ASIC4: variants seen among roughly 807,000 people sequenced by gnomAD.
The protein encoded by ASIC4 is acid-sensing ion channel 4.
Under a neutral mutation model 53.4 loss-of-function variants are expected in ASIC4, and 28 were observed. The ratio of observed to expected loss-of-function variants is 0.52; its 90% CI spans 0.39 to 0.72. ASIC4 has a LOEUF of 0.72. ASIC4 is among the 30% of genes least tolerant of loss of function. The pLI, the probability that ASIC4 is intolerant of heterozygous loss-of-function variation, is 0.00. For synonymous variants in ASIC4, 289 were observed against 301.4 expected (o/e 0.96, Z 0.43); for missense variants, 649 against 729.7 (o/e 0.89, Z 1.27).
upstream of ASIC4, among the ~76,000 whole-genome samples, chr2:219,510,648 C>T (rs1031500803): frequency 2.0e-5 from 3 of 152,264 alleles, no homozygotes; most frequent in South Asian, 6.2e-4. The surrounding 1 kb of genome is among the most constrained non-coding windows in gnomAD (Gnocchi z 5.2). Context: ...CCCAGGGACC[C>T]GTTGCCTTGG....
rs114496813 is a variant in ASIC4 at position 219,526,742 on chromosome 2, G to C, written c.583-5016G>C. ...GGCAGGTGCTGGCCAGAAGGAAGGT[G>C]GGGGAGGGGACCTGAGTGTCAGTGT... On this transcript the variant is annotated intron_variant, in intron 1 of 9. Transcript: ENST00000358078. 9.2e-3 allele frequency among the ~76,000 whole-genome samples: 1,402 copies of C among 152,236 alleles called. 23 individuals carry two copies. Among genetic ancestry groups the C allele is most frequent in the African/African-American group, 0.031 (1,308 of 41,526 alleles).
In ASIC4 at chr2:219,538,013, C is replaced by A. The variant is rs781560245; in HGVS notation, c.1587C>A (p.Pro529=). ...CCAATCACCACCACCCCCACGGTCC[C>A]CCAGGAGGTCTCTTTGAAGATTTTG... The part of the protein sequence containing the change: ...LLPNHHHPHG[P]PGGLFEDFAC Residue 529 remains proline, a synonymous_variant, in exon 10 of 10, where the codon CCC becomes CCA. Coordinates refer to ENST00000358078, the MANE Select transcript of ASIC4 (RefSeq NM_018674.6). 9.3e-6 allele frequency: 15 copies of A among 1,613,222 alleles called. No homozygotes were observed. The highest frequency in any genetic ancestry group is 1.3e-5 in the Non-Finnish European group (15 of 1,179,778).
At chr2:219,520,478 C>T (rs905448409) in intron 1 of ASIC4, among the ~76,000 whole-genome samples, 34 of 152,216 alleles carry the variant, frequency 2.2e-4, no homozygotes, top group Admixed American at 2.0e-3. Context: ...CAGGCCACTA[C>T]TGACAGTCTC....
chr2:219,531,914 G>C lies in ASIC4; in HGVS notation c.727+12G>C. On this transcript the variant is annotated intron_variant, in intron 2 of 9. Coordinates refer to ENST00000358078, the MANE Select transcript of ASIC4 (RefSeq NM_018674.6). ...CTGGAGGGAGACAAGTACGCAGGCC[G>C]GAAAGGGACAAGGGCCACCTTGGGG... 1 of 1,611,056 alleles carries C rather than the reference G, an allele frequency of 6.2e-7. No individual in the cohort carries two copies. The highest frequency in any genetic ancestry group is 8.5e-7 in the Non-Finnish European group (1 of 1,178,110).
chr2:219,519,935 G>A (rs887882764), intron 1 of ASIC4, among the ~76,000 whole-genome samples: 1 of 152,148 alleles, frequency 6.6e-6, no homozygotes, highest in Non-Finnish European at 1.5e-5. Flanking sequence ...CACCACGTGA[G>A]CAAAGGTGCT....
Position 219,514,721 on chromosome 2 carries a change from A to G in ASIC4, c.-4A>G, listed in dbSNP as rs1694753557. 1 of 1,613,502 alleles carries G rather than the reference A, an allele frequency of 6.2e-7. No homozygotes were observed. The highest frequency in any genetic ancestry group is 8.5e-7 in the Non-Finnish European group (1 of 1,179,980). ...CTCTGGCCAGTCCCAGCAGCCGGGG[A>G]CAGATGCCGATCGAGATTGTGTGCA... On this transcript the variant is annotated 5_prime_UTR_variant, in exon 1 of 10. Transcript: ENST00000358078.
intron 4 of ASIC4, 74 bp downstream of exon 4, chr2:219,532,551 C>T: frequency 1.3e-6 from 2 of 1,541,408 alleles, no homozygotes; most frequent in Non-Finnish European, 1.8e-6. Context: ...CAAGGCACTG[C>T]TCATGTGCAC....
At chr2:219,513,855 A>G (rs1694733391), upstream of ASIC4, among the ~76,000 whole-genome samples, 1 of 152,238 alleles carries the variant, frequency 6.6e-6, no homozygotes, top group Non-Finnish European at 1.5e-5. Flanking sequence ...AGTCTGGAGC[A>G]AAGCTCCAGG....
chr2:219,508,221 C>T, the ASIC4 span, among the ~76,000 whole-genome samples: 5 of 152,180 alleles, frequency 3.3e-5, no homozygotes, highest in Admixed American at 6.5e-5. Flanking sequence ...GCCATAGGAC[C>T]AGGGGCTAGG....
chr2:219,509,291 C>G (rs1694668422), upstream of ASIC4, among the ~76,000 whole-genome samples: 1 of 149,588 alleles, frequency 6.7e-6, no homozygotes, highest in African/African-American at 2.4e-5. The surrounding 1 kb of genome is among the most constrained non-coding windows in gnomAD (Gnocchi z 5.2). Context: ...CGGAGCACAG[C>G]TGGGTGTGCC....
chr2:219,514,579 C>T lies in ASIC4; in HGVS notation c.-146C>T. 2 of 1,582,864 alleles carry T rather than the reference C, an allele frequency of 1.3e-6. No individual in the cohort carries two copies. The highest frequency in any genetic ancestry group is 2.3e-5 in the East Asian group (1 of 42,864). The stretch of plus-strand genomic sequence containing the variant: ...GGGAGTGACTCCCCCACCTCGGGCC[C>T]CCACCCTGTCCCTGTCCTCTTCCCG... On this transcript the variant is annotated 5_prime_UTR_variant, in exon 1 of 10. Coordinates refer to ENST00000358078, the MANE Select transcript of ASIC4 (RefSeq NM_018674.6).
At position 219,535,189 on chromosome 2, in the gene ASIC4, C is replaced by G. The variant is rs1191690791; in HGVS notation, c.1094C>G (p.Pro365Arg). ...GTTGCAGACTCCCTGGGTGGGGGCC[C>G]TGAGGGCCCGTGCTTCTGCCCCACC... ...DHTLDSLGGG[P>R]EGPCFCPTPC... Residue 365 changes from proline to arginine, a missense_variant, in exon 6 of 10, where the codon CCT (proline) becomes CGT (arginine). Physicochemically the swap from Pro to Arg is moderately radical, Grantham distance 103. Transcript: ENST00000358078. 1 of 1,613,484 alleles carries G rather than the reference C, an allele frequency of 6.2e-7. No homozygotes were observed. The highest frequency in any genetic ancestry group is 8.5e-7 in the Non-Finnish European group (1 of 1,179,748).
intron 4 of ASIC4, 68 bp downstream of exon 4, chr2:219,532,545 G>A: frequency 1.3e-6 from 2 of 1,561,262 alleles, no homozygotes; most frequent in Non-Finnish European, 8.7e-7. Flanking sequence ...CCGGGGCAAG[G>A]CACTGCTCAT....
intron 1 of ASIC4, among the ~76,000 whole-genome samples, chr2:219,530,235 A>T (rs1052736496): frequency 6.6e-6 from 1 of 151,912 alleles, no homozygotes; most frequent in Non-Finnish European, 1.5e-5. Context: ...GGCAGGGGGG[A>T]ACTAGAACCC....
In ASIC4 at chr2:219,517,661, A is replaced by C. The variant is rs986644572; in HGVS notation, c.582+2355A>C. Among the ~76,000 whole-genome samples, 2 of 152,274 alleles carry C rather than the reference A, an allele frequency of 1.3e-5. No homozygotes were observed. The highest frequency in any genetic ancestry group is 4.8e-5 in the African/African-American group (2 of 41,526). On this transcript the variant is annotated intron_variant, in intron 1 of 9. Coordinates refer to ENST00000358078, the MANE Select transcript of ASIC4 (RefSeq NM_018674.6). The surrounding 1 kb of genome is among the most constrained non-coding windows in gnomAD (Gnocchi z 4.2). ...GGGTGTATTACAGGGGAAAGACTGG[A>C]GAATGGGCATGGAGATGAAGATATG...
intron 1 of ASIC4, among the ~76,000 whole-genome samples, chr2:219,530,537 T>C (rs1282105309): frequency 6.6e-6 from 1 of 152,270 alleles, no homozygotes; most frequent in African/African-American, 2.4e-5. Context: ...AGGAGACAAG[T>C]AGATGAACAA....
intron 1 of ASIC4, among the ~76,000 whole-genome samples, chr2:219,526,250 C>T (rs985011493): frequency 1.3e-5 from 2 of 152,162 alleles, no homozygotes; most frequent in African/African-American, 4.8e-5. Context: ...CTCTCCCAAC[C>T]CCTCATCACT....
At chr2:219,524,881 C>T (rs1398206621) in intron 1 of ASIC4, among the ~76,000 whole-genome samples, 1 of 152,234 alleles carries the variant, frequency 6.6e-6, no homozygotes, top group Non-Finnish European at 1.5e-5. Flanking sequence ...ATCAAAATGG[C>T]TGCACTGTCC....
At chr2:219,532,195 A>G (rs1020282770) in intron 3 of ASIC4, 67 bp downstream of exon 3, 2 of 1,605,678 alleles carry the variant, frequency 1.2e-6, no homozygotes, top group Non-Finnish European at 1.7e-6. Flanking sequence ...GGGGATGTGG[A>G]GCAAACCTGC....
Sources: allele counts gnomAD v4.1 joint callset (sites outside exome capture counted in the v4.1 genomes callset), GRCh38; gene constraint gnomAD v4.1.1; non-coding constraint Gnocchi (gnomAD v3.1); transcripts MANE v1.5; gene names NCBI Gene and HGNC (gene_info 2026-07-23, HGNC 2026-07-21).